The following RMP24 variants were observed in gnomAD, a reference collection of about 807,000 sequenced individuals.
RMP24 encodes ribonuclease MRP subunit p24.
chr18:35,978,572 C>T, the RMP24 span, among the ~76,000 whole-genome samples: 1 of 152,280 alleles, frequency 6.6e-6, no homozygotes, highest in South Asian at 2.1e-4. Context: ...GATGGCGCCA[C>T]TGCACTCCAG....
At chr18:35,972,712 CG>C in the RMP24 span, 41 of 1,599,524 alleles carry the variant, frequency 2.6e-5, 1 homozygote, top group South Asian at 4.4e-4. Context: ...GGCGAGCCAG[CG>C]GCAGCGGCGG....
chr18:35,972,847 G>A, the RMP24 span: 2 of 1,614,096 alleles, frequency 1.2e-6, no homozygotes, highest in Non-Finnish European at 1.7e-6. Flanking sequence ...GCGGGTAGGT[G>A]TTCCTTTGCT....
the RMP24 span, chr18:35,979,064 A>G: frequency 6.8e-7 from 1 of 1,472,624 alleles, no homozygotes; most frequent in Non-Finnish European, 9.1e-7. Context: ...TTAAACTCTT[A>G]TTCATTTTTT....
At chr18:35,975,002 A>C in the RMP24 span, 1 of 1,614,084 alleles carries the variant, frequency 6.2e-7, no homozygotes, top group Non-Finnish European at 8.5e-7. Context: ...CACCCAAAAT[A>C]CAGAAACTTC....
chr18:35,973,079 G>T, the RMP24 span: 1 of 817,728 alleles, frequency 1.2e-6, no homozygotes, highest in Non-Finnish European at 2.0e-6. Flanking sequence ...AATGTGCCTT[G>T]TCTTGCTTTG....
chr18:35,977,532 G>A, the RMP24 span: 7 of 1,614,056 alleles, frequency 4.3e-6, no homozygotes, highest in Non-Finnish European at 5.1e-6. Flanking sequence ...AGACACCAGA[G>A]AGAAGGACTG....
the RMP24 span, chr18:35,977,645 T>G: frequency 1.9e-6 from 3 of 1,563,032 alleles, no homozygotes; most frequent in Non-Finnish European, 2.6e-6. Context: ...GTTAAGTGTT[T>G]TCTTCTAATT....
chr18:35,976,138 A>ATTTTTTTTTTT, the RMP24 span, among the ~76,000 whole-genome samples: 1 of 72,766 alleles, frequency 1.4e-5, no homozygotes, highest in African/African-American at 5.3e-5. Context: ...TGTTTTTCTG[A>ATTTTTTTTTTT]TTTTTTTTTT....
the RMP24 span, chr18:35,977,644 T>C: frequency 1.9e-6 from 3 of 1,563,200 alleles, no homozygotes; most frequent in African/African-American, 2.7e-5. Context: ...TGTTAAGTGT[T>C]TTCTTCTAAT....
the RMP24 span, chr18:35,977,628 T>A: frequency 6.3e-7 from 1 of 1,594,928 alleles, no homozygotes; most frequent in East Asian, 2.2e-5. Flanking sequence ...GTTTTTGAAT[T>A]GCCAGTGTTA....
chr18:35,973,340 A>G, the RMP24 span: 2 of 241,136 alleles, frequency 8.3e-6, no homozygotes, highest in South Asian at 1.1e-4. Flanking sequence ...CTGAGGACTT[A>G]CAAATGTATA....
the RMP24 span, chr18:35,977,642 GT>G: frequency 6.4e-7 from 1 of 1,571,272 alleles, no homozygotes; most frequent in African/African-American, 1.4e-5. Context: ...AGTGTTAAGT[GT>G]TTTCTTCTAA....
chr18:35,972,832 G>A, the RMP24 span: 2 of 1,614,234 alleles, frequency 1.2e-6, no homozygotes, highest in South Asian at 2.2e-5. Context: ...GGAAGCGGGA[G>A]GCGAGCGGGT....
chr18:35,975,430 T>G, the RMP24 span, among the ~76,000 whole-genome samples: 1 of 152,242 alleles, frequency 6.6e-6, no homozygotes. Context: ...TTTTTTCAGT[T>G]AATGCTCCTT....
chr18:35,978,886 C>T, the RMP24 span: 1 of 1,612,952 alleles, frequency 6.2e-7, no homozygotes, highest in East Asian at 2.2e-5. Context: ...AGAACACCAG[C>T]AAAACAAAGA....
At chr18:35,976,545 T>G in the RMP24 span, among the ~76,000 whole-genome samples, 1 of 152,134 alleles carries the variant, frequency 6.6e-6, no homozygotes, top group Non-Finnish European at 1.5e-5. Flanking sequence ...TCTTGAGAAA[T>G]GAATCTTGAA....
chr18:35,978,576 A>C, the RMP24 span, among the ~76,000 whole-genome samples: 1 of 151,966 alleles, frequency 6.6e-6, no homozygotes, highest in South Asian at 2.1e-4. Context: ...GCGCCACTGC[A>C]CTCCAGCCTG....
chr18:35,977,358 G>C, the RMP24 span: 1 of 1,523,372 alleles, frequency 6.6e-7, no homozygotes, highest in Non-Finnish European at 8.9e-7. Flanking sequence ...TGGTTTATGG[G>C]GTTAAATTAT....
At chr18:35,972,882 C>T in the RMP24 span, 1 of 1,614,066 alleles carries the variant, frequency 6.2e-7, no homozygotes, top group African/African-American at 1.3e-5. Context: ...TTCTCTTTTA[C>T]AGCTGGGCCT....
Sources: gnomAD v4.1 joint callset for allele counts (sites outside exome capture counted in the v4.1 genomes callset) on GRCh38, gnomAD v4.1.1 for gene constraint, MANE v1.5 for transcripts, NCBI Gene and HGNC (gene_info 2026-07-23, HGNC 2026-07-21) for gene names.